PPP3CA: variants seen among roughly 807,000 people sequenced by gnomAD.
The protein encoded by PPP3CA is protein phosphatase 3 catalytic subunit alpha.
In PPP3CA, 14 loss-of-function variants were observed where a neutral mutation model predicts 66.5. The ratio of observed to expected loss-of-function variants is 0.21; its 90% confidence interval spans 0.14 to 0.33. The LOEUF (loss-of-function observed/expected upper bound fraction) is 0.33. Among genes scored for constraint, PPP3CA ranks in the 10% least tolerant of loss-of-function variants. The pLI is 1.00. For synonymous variants in PPP3CA, 232 were observed against 226.2 expected (o/e 1.03, Z -0.23); for missense variants, 317 against 639.5 (o/e 0.50, Z 5.44).
intron 1 of PPP3CA, among the ~76,000 whole-genome samples, chr4:101,228,567 A>G (rs1725855183): frequency 6.6e-6 from 1 of 151,604 alleles, no homozygotes; most frequent in Non-Finnish European, 1.5e-5. Flanking sequence ...TTGAGAAATC[A>G]CAACAAAATA....
intron 1 of PPP3CA, among the ~76,000 whole-genome samples, chr4:101,200,282 A>C (rs192976641): frequency 1.3e-4 from 20 of 152,304 alleles, no homozygotes; most frequent in African/African-American, 4.6e-4. Flanking sequence ...AAAATACTGT[A>C]TCAAGCCTTC....
rs1396379156 is a variant in PPP3CA, at chr4:101,025,273, A to AAATT, written c.*588_*591dup. 2 of 151,704 alleles carry AAATT rather than the reference A, an allele frequency of 1.3e-5. No individual in the cohort carries two copies. The highest frequency in any genetic ancestry group is 4.8e-5 in the African/African-American group (2 of 41,372). The allele number at this position is 151,704 out of a possible 1,614,324, so 9.4% of individuals were successfully genotyped here. A position where few individuals can be genotyped will look rare whatever the true frequency, so the allele number is the denominator to read the frequency against. ...AAACTGTCCTTTTTGGCATTTTAAC[A>AAATT]AATTTGCAACGTTCTTTTTTTTCTT... On this transcript the variant is annotated 3_prime_UTR_variant, in exon 14 of 14. Transcript: ENST00000394854.
chr4:101,217,386 C>T (rs1186512135), intron 1 of PPP3CA, among the ~76,000 whole-genome samples: 1 of 152,116 alleles, frequency 6.6e-6, no homozygotes, highest in Non-Finnish European at 1.5e-5. Flanking sequence ...TTCTAAACTA[C>T]CTAATCTATT....
chr4:101,124,725 G>GAGAAAGAA (rs756619477), intron 2 of PPP3CA, among the ~76,000 whole-genome samples: 97 of 58,826 alleles, frequency 1.6e-3, no homozygotes, highest in Non-Finnish European at 2.4e-3. Flanking sequence ...AAGAAAGAAA[G>GAGAAAGAA]AGAAAGAAAG....
chr4:101,154,799 A>G (rs1723258663), intron 2 of PPP3CA, among the ~76,000 whole-genome samples: 1 of 139,176 alleles, frequency 7.2e-6, no homozygotes, highest in African/African-American at 2.7e-5. Context: ...GAACACATTC[A>G]CTCCCAGAAT....
intron 1 of PPP3CA, among the ~76,000 whole-genome samples, chr4:101,288,412 T>G (rs554550031): frequency 1.1e-4 from 17 of 152,120 alleles, no homozygotes; most frequent in Non-Finnish European, 1.9e-4. Flanking sequence ...TACAAATGCA[T>G]TGGAATACTA....
chr4:101,085,919 C>A (rs980444839), intron 6 of PPP3CA, among the ~76,000 whole-genome samples: 3 of 151,710 alleles, frequency 2.0e-5, no homozygotes, highest in African/African-American at 7.3e-5. Context: ...ATTGCTAACA[C>A]CTAAACACCC....
chr4:101,270,616 A>T (rs1319631959), intron 1 of PPP3CA, among the ~76,000 whole-genome samples: 2 of 152,162 alleles, frequency 1.3e-5, no homozygotes, highest in Non-Finnish European at 2.9e-5. Context: ...GTCATAATTA[A>T]AGTACATCTT....
At chr4:101,237,509 C>T (rs1278120138) in intron 1 of PPP3CA, among the ~76,000 whole-genome samples, 1 of 152,002 alleles carries the variant, frequency 6.6e-6, no homozygotes, top group Non-Finnish European at 1.5e-5. Flanking sequence ...GGTTGACTAC[C>T]AGCAATATAT....
intron 10 of PPP3CA, among the ~76,000 whole-genome samples, chr4:101,057,819 CT>C (rs1490070495): frequency 6.6e-6 from 1 of 152,130 alleles, no homozygotes; most frequent in Non-Finnish European, 1.5e-5. Context: ...CCTCTGGGCT[CT>C]TTTTCTATGA....
intron 1 of PPP3CA, among the ~76,000 whole-genome samples, chr4:101,296,655 G>T (rs1329249760): frequency 1.3e-5 from 2 of 151,894 alleles, no homozygotes; most frequent in Admixed American, 1.3e-4. Context: ...GTCATTTAAG[G>T]GTTTTATCAC....
In PPP3CA at chr4:101,346,914, C is replaced by T; in HGVS notation, c.-118G>A. On this transcript the variant is annotated 5_prime_UTR_variant, in exon 1 of 14. Coordinates refer to ENST00000394854, the MANE Select transcript of PPP3CA (RefSeq NM_000944.5). ...CCGCCGCCGCCGCCGCGCTGCAAAC[C>T]GCTCGGCTGGAGGTCTAGGCTCTGA... is the stretch of plus-strand genomic sequence containing the variant. 9.1e-7 allele frequency: 1 copy of T among 1,099,572 alleles called. No homozygotes were observed. Among genetic ancestry groups the T allele is most frequent in the Non-Finnish European group, 1.3e-6 (1 of 759,906 alleles). The allele number at this position is 1,099,572 out of a possible 1,614,324, so 68.1% of individuals were successfully genotyped here. A position where few individuals can be genotyped will look rare whatever the true frequency, so the allele number is the denominator to read the frequency against.
chr4:101,247,448 G>T (rs1259317261), intron 1 of PPP3CA, among the ~76,000 whole-genome samples: 1 of 151,736 alleles, frequency 6.6e-6, no homozygotes, highest in Non-Finnish European at 1.5e-5. Flanking sequence ...AGGCCTCCTT[G>T]TCATCTTAAT....
chr4:101,321,847 C>A (rs912114630), intron 1 of PPP3CA, among the ~76,000 whole-genome samples: 4 of 152,080 alleles, frequency 2.6e-5, no homozygotes, highest in African/African-American at 9.7e-5. Context: ...TTTTTAATAG[C>A]AGTACTCTGT....
chr4:101,292,080 GAACACA>G (rs1253984721), intron 1 of PPP3CA, among the ~76,000 whole-genome samples: 2 of 114,174 alleles, frequency 1.8e-5, no homozygotes, highest in African/African-American at 3.4e-5. Context: ...CTGAGCCCAT[GAACACA>G]CACACACACA....
chr4:101,167,541 C>T (rs1042906026), intron 2 of PPP3CA, among the ~76,000 whole-genome samples: 6 of 152,104 alleles, frequency 3.9e-5, no homozygotes, highest in African/African-American at 1.4e-4. Flanking sequence ...AGTGTACACT[C>T]TAAAGAGGCA....
At chr4:101,312,032 A>T (rs1314018812) in intron 1 of PPP3CA, among the ~76,000 whole-genome samples, 1 of 151,996 alleles carries the variant, frequency 6.6e-6, no homozygotes, top group Non-Finnish European at 1.5e-5. Context: ...GTTGACATTT[A>T]ATGAATGCCT....
intron 10 of PPP3CA, among the ~76,000 whole-genome samples, chr4:101,059,922 A>G (rs1038168290): frequency 6.6e-6 from 1 of 152,128 alleles, no homozygotes; most frequent in Non-Finnish European, 1.5e-5. Context: ...ACTGAACACA[A>G]TGTCAATGCT....
At chr4:101,254,241 T>C (rs1437170573) in intron 1 of PPP3CA, among the ~76,000 whole-genome samples, 2 of 152,146 alleles carry the variant, frequency 1.3e-5, no homozygotes, top group Non-Finnish European at 1.5e-5. Flanking sequence ...GGTCCACTAA[T>C]GATCTCTGCA....
Sources: allele counts gnomAD v4.1 joint callset (sites outside exome capture counted in the v4.1 genomes callset), GRCh38; gene constraint gnomAD v4.1.1; transcripts MANE v1.5; gene names NCBI Gene and HGNC (gene_info 2026-07-23, HGNC 2026-07-21).